The following SAMD13 variants were observed in gnomAD, a reference collection of about 807,000 sequenced individuals.
SAMD13 encodes the protein sterile alpha motif domain containing 13, also known as sterile alpha motif domain-containing protein 13.
In SAMD13, 9 loss-of-function variants were observed where a neutral mutation model predicts 12.4. That is an observed-to-expected ratio of 0.72 (90% confidence interval 0.44 to 1.26). The LOEUF (loss-of-function observed/expected upper bound fraction) is 1.26, where lower values mean the gene tolerates loss of function less well. SAMD13 is among the 50% of genes most tolerant of loss of function. The pLI is 0.00. For synonymous variants in SAMD13, 46 were observed against 45.4 expected, an observed-to-expected ratio of 1.01 and a Z score of -0.05; for missense variants, 84 against 119.6, an observed-to-expected ratio of 0.70 and a Z score of 1.39.
intron 3 of SAMD13, among the ~76,000 whole-genome samples, chr1:84,342,956 A>T (rs1023178289): frequency 7.9e-5 from 12 of 152,204 alleles, no homozygotes; most frequent in African/African-American, 2.7e-4. Flanking sequence ...CAATCTCTCC[A>T]TCTGACAAAG....
intron 3 of SAMD13, among the ~76,000 whole-genome samples, chr1:84,326,334 G>A (rs1167203280): frequency 6.6e-6 from 1 of 152,098 alleles, no homozygotes; most frequent in Non-Finnish European, 1.5e-5. Flanking sequence ...AACTTTATAG[G>A]GATGTTGTTG....
chr1:84,299,545 A>C, upstream of SAMD13: 2 of 1,407,364 alleles, frequency 1.4e-6, no homozygotes, highest in Non-Finnish European at 1.9e-6. Context: ...AGTACACCAC[A>C]TAGTGCACAC....
At chr1:84,316,702 T>C (rs1300639348) in intron 2 of SAMD13, among the ~76,000 whole-genome samples, 1 of 152,154 alleles carries the variant, frequency 6.6e-6, no homozygotes, top group Non-Finnish European at 1.5e-5. Context: ...ATTCAAGATC[T>C]TTTCTGGTTC....
chr1:84,342,189 GA>G (rs1163851459), intron 3 of SAMD13, among the ~76,000 whole-genome samples: 1 of 152,138 alleles, frequency 6.6e-6, no homozygotes, highest in Admixed American at 6.5e-5. Context: ...AGAAGCCTGG[GA>G]AATCTGTAGT....
chr1:84,309,997 TAAAC>T (rs1000547445), intron 2 of SAMD13, among the ~76,000 whole-genome samples: 9 of 152,272 alleles, frequency 5.9e-5, no homozygotes, highest in Middle Eastern at 3.4e-3. Context: ...TTTCTAGTGT[TAAAC>T]AATCAAATAT....
chr1:84,300,694 A>C (rs982070846), upstream of SAMD13, among the ~76,000 whole-genome samples: 1 of 152,184 alleles, frequency 6.6e-6, no homozygotes, highest in Non-Finnish European at 1.5e-5. Context: ...TGTGCAGAAC[A>C]TTAATGGGAT....
At chr1:84,329,146 A>G (rs141199408) in intron 3 of SAMD13, among the ~76,000 whole-genome samples, 99 of 152,140 alleles carry the variant, frequency 6.5e-4, no homozygotes, top group African/African-American at 2.3e-3. Flanking sequence ...CTCTTATAAG[A>G]AGAGAACAAG....
chr1:84,345,808 G>C (rs971010587), intron 3 of SAMD13, among the ~76,000 whole-genome samples: 30 of 152,164 alleles, frequency 2.0e-4, no homozygotes, highest in South Asian at 4.1e-4. Context: ...TGCTGGCAGA[G>C]AGAATGAGTG....
At chr1:84,347,416 A>G (rs890485072) in intron 3 of SAMD13, among the ~76,000 whole-genome samples, 4 of 152,234 alleles carry the variant, frequency 2.6e-5, no homozygotes, top group Admixed American at 2.0e-4. Flanking sequence ...TGTCTTAAGT[A>G]AAATCCAAAT....
chr1:84,311,762 A>G (rs980031431), intron 2 of SAMD13, among the ~76,000 whole-genome samples: 3 of 152,246 alleles, frequency 2.0e-5, no homozygotes, highest in Non-Finnish European at 4.4e-5. Context: ...CCATCTGGAT[A>G]GAATTTAATT....
At chr1:84,311,226 C>T (rs1678702128) in intron 2 of SAMD13, among the ~76,000 whole-genome samples, 1 of 151,152 alleles carries the variant, frequency 6.6e-6, no homozygotes, top group African/African-American at 2.4e-5. Context: ...ATCCCAGCTA[C>T]TTGGGAGGCT....
intron 2 of SAMD13, among the ~76,000 whole-genome samples, chr1:84,309,530 G>T (rs1011906253): frequency 6.6e-6 from 1 of 152,056 alleles, no homozygotes; most frequent in Non-Finnish European, 1.5e-5. Flanking sequence ...AAAATTCTTA[G>T]ATCTCTGATG....
At chr1:84,330,183 CTTTCTAGGACTCAGA>C (rs1211887713) in intron 3 of SAMD13, among the ~76,000 whole-genome samples, 2 of 152,106 alleles carry the variant, frequency 1.3e-5, no homozygotes, top group Non-Finnish European at 2.9e-5. Flanking sequence ...GAGAATTTGC[CTTTCTAGGACTCAGA>C]TTTCTATAAA....
chr1:84,337,885 C>G lies in SAMD13; in HGVS notation c.166-11746C>G, dbSNP rs575796577. Among the ~76,000 whole-genome samples, 13 of 152,188 alleles carry G rather than the reference C, an allele frequency of 8.5e-5. 1 individual carries two copies. The South Asian group carries it at 1.7e-3, about 19-fold the overall frequency. ...CTTAGAAATTTCTTTTACCAGATAC[C>G]CTAAATCATCTCTCTCAAGTTCAAA... On this transcript the variant is annotated intron_variant, in intron 3 of 3. Coordinates refer to ENST00000394834, the MANE Select transcript of SAMD13 (RefSeq NM_001134663.2).
intron 1 of SAMD13, 82 bp from the exon 2 acceptor site, chr1:84,303,121 C>A: frequency 9.7e-7 from 1 of 1,026,370 alleles, no homozygotes; most frequent in Non-Finnish European, 1.5e-6. Context: ...GTAAAAGGGA[C>A]CATTATGTTT....
At chr1:84,316,850 G>T (rs1186832944) in intron 2 of SAMD13, among the ~76,000 whole-genome samples, 1 of 152,044 alleles carries the variant, frequency 6.6e-6, no homozygotes, top group Non-Finnish European at 1.5e-5. Context: ...ATGAACTTGA[G>T]ATGTCTTTGC....
chr1:84,326,338 G>A (rs1461990297), intron 3 of SAMD13, among the ~76,000 whole-genome samples: 1 of 152,158 alleles, frequency 6.6e-6, no homozygotes, highest in Non-Finnish European at 1.5e-5. Context: ...TTATAGGGAT[G>A]TTGTTGTGAG....
Position 84,349,780 on chromosome 1 carries a change from T to A in SAMD13, c.*6T>A, listed in dbSNP as rs751768111. The A allele has an allele frequency of 1.9e-6, 3 of 1,599,534 alleles. No individual in the cohort carries two copies. The highest frequency in any genetic ancestry group is 2.7e-5 in the African/African-American group (2 of 74,094). ...TAAAGAACAACTCTTCATAGTACAG[T>A]CAAATTGGGGTCTTCGACCTCAAAA... On this transcript the variant is annotated 3_prime_UTR_variant, in exon 4 of 4. Transcript: ENST00000394834.
chr1:84,319,111 A>T (rs2101799750), intron 2 of SAMD13, among the ~76,000 whole-genome samples: 1 of 152,282 alleles, frequency 6.6e-6, no homozygotes, highest in Admixed American at 6.5e-5. Flanking sequence ...TGAGATCCCT[A>T]CAGAAGGAAA....
Sources: allele counts gnomAD v4.1 joint callset (sites outside exome capture counted in the v4.1 genomes callset), GRCh38; gene constraint gnomAD v4.1.1; transcripts MANE v1.5; gene names NCBI Gene and HGNC (gene_info 2026-07-23, HGNC 2026-07-21).